The following RPE65 variants were observed in gnomAD, a reference collection of about 807,000 sequenced individuals.
The protein encoded by RPE65 is retinoid isomerohydrolase.
RPE65 carries 58 observed loss-of-function variants against 68.5 expected under a neutral mutation model. That is an observed-to-expected ratio of 0.85 (90% CI 0.69 to 1.05). RPE65 has a LOEUF of 1.05. Among genes scored for constraint, RPE65 ranks in the 50% least tolerant of loss-of-function variants. The pLI is 0.00. For missense variants in RPE65, 643 were observed against 629.9 expected (o/e 1.02, Z -0.22); for synonymous variants, 220 against 222.2 (o/e 0.99, Z 0.09).
intron 1 of RPE65, among the ~76,000 whole-genome samples, 186 bp from the exon 2 acceptor site, chr1:68,448,892 C>G (rs563438706): frequency 1.4e-5 from 1 of 70,846 alleles, no homozygotes; most frequent in Non-Finnish European, 2.6e-5. Context: ...GGGAGGAGCA[C>G]GTGAGGCTGG....
chr1:68,441,426 A>G (rs943412557), intron 5 of RPE65, among the ~76,000 whole-genome samples: 4 of 152,094 alleles, frequency 2.6e-5, no homozygotes, highest in African/African-American at 9.7e-5. Flanking sequence ...GTAAATACCA[A>G]CTATATGTCT....
intron 6 of RPE65, among the ~76,000 whole-genome samples, chr1:68,440,337 T>C (rs986376247): frequency 6.6e-6 from 1 of 152,178 alleles, no homozygotes; most frequent in Non-Finnish European, 1.5e-5. Context: ...TGGCAATAAA[T>C]GAAGAATGAA....
At position 68,438,048 on chromosome 1, in the gene RPE65, A is replaced by C. The variant is rs1645873393; in HGVS notation, c.1128+139T>G. 6.0e-6 allele frequency: 6 copies of C among 1,001,072 alleles called. No individual in the cohort carries two copies. In the South Asian group the frequency reaches 9.5e-5, roughly 16 times the overall value. The allele number at this position is 1,001,072 out of a possible 1,614,324, so 62.0% of individuals were successfully genotyped here. On this transcript the variant is annotated intron_variant, in intron 10 of 13. Coordinates refer to ENST00000262340, the MANE Select transcript of RPE65 (RefSeq NM_000329.3). The stretch of plus-strand genomic sequence containing the variant: ...TTAGTTTCATTTGTAAAATGAAGGA[A>C]GTTTAATTAGCCTATTTTTAAAGCT...
chr1:68,439,644 T>A lies in RPE65; in HGVS notation c.644-2A>T, dbSNP rs61752891. 1.9e-6 allele frequency: 3 copies of A among 1,613,548 alleles called. No individual in the cohort carries two copies. Among genetic ancestry groups the A allele is most frequent in the Non-Finnish European group, 2.5e-6 (3 of 1,179,506 alleles). The stretch of plus-strand genomic sequence containing the variant: ...ACTTGCTTATTGGATCTTCCTTGTC[T>A]GAAATAAAGTGGTTTTAAAAGGCTT... On this transcript the variant is annotated splice_acceptor_variant, in intron 6 of 13. Coordinates refer to ENST00000262340, the MANE Select transcript of RPE65 (RefSeq NM_000329.3). LOFTEE classifies it high-confidence loss of function.
At chr1:68,446,608 T>C (rs1490572869) in intron 3 of RPE65, 102 bp downstream of exon 3, 1 of 1,375,950 alleles carries the variant, frequency 7.3e-7, no homozygotes, top group Non-Finnish European at 1.0e-6. Flanking sequence ...AAAGTGGGTA[T>C]ATAGGTTGCC....
rs748612997 is a variant in RPE65 at position 68,439,630 on chromosome 1, G to A, written c.656C>T (p.Pro219Leu). The change falls in exon 7 of 14, where the codon CCA (proline) becomes CTA (leucine). Residue 219 changes from proline (P) to leucine (L), a missense_variant. Pro to Leu is a moderately conservative substitution (Grantham distance 98). Coordinates refer to ENST00000262340, the MANE Select transcript of RPE65 (RefSeq NM_000329.3). ...IPPLQADKED[P>L]ISKSEIVVQF... Reference sequence around the variant, plus strand: ...TACAACGATCTCTGACTTGCTTATTGGATCTTCCTTGTCTGAAATAAAGTG... The same window carrying A: ...TACAACGATCTCTGACTTGCTTATTAGATCTTCCTTGTCTGAAATAAAGTG... 3.7e-6 allele frequency: 6 copies of A among 1,613,572 alleles called. No individual in the cohort carries two copies. The South Asian group carries it at 6.6e-5, about 18-fold the overall frequency.
chr1:68,449,080 A>T (rs547355560), intron 1 of RPE65, among the ~76,000 whole-genome samples: 1 of 152,174 alleles, frequency 6.6e-6, no homozygotes, highest in South Asian at 2.1e-4. Context: ...CACTTCCTGA[A>T]ATTTGTTCCT....
chr1:68,435,173 GGCTCTTGTTTCTTTTTCTGGCT>G (rs1347084224), intron 10 of RPE65, among the ~76,000 whole-genome samples: 1 of 151,648 alleles, frequency 6.6e-6, no homozygotes, highest in African/African-American at 2.4e-5. Flanking sequence ...GCTTTCTGGT[GGCTCTTGTTTCTTTTTCTGGCT>G]TCTCTTGTTT....
At position 68,438,300 on chromosome 1, in the gene RPE65, T is replaced by C; in HGVS notation, c.1015A>G (p.Asn339Asp). Reference protein sequence around the residue: ...CCWKGFEFVYNYLYLANLREN... With the variant: ...CCWKGFEFVYDYLYLANLREN... ...CGTAAATTGGCTAAATATAAGTAAT[T>C]ATAAACAAACTCAAATCTGCAAAAA... is the stretch of plus-strand genomic sequence containing the variant. Residue 339 changes from asparagine (N) to aspartate (D), a missense_variant, in exon 10 of 14, where the codon AAT becomes GAT. Coordinates refer to ENST00000262340, the MANE Select transcript of RPE65 (RefSeq NM_000329.3). 1 of 1,613,468 alleles carries C rather than the reference T, an allele frequency of 6.2e-7. No individual in the cohort carries two copies. Among genetic ancestry groups the C allele is most frequent in the Non-Finnish European group, 8.5e-7 (1 of 1,179,808 alleles).
intron 10 of RPE65, among the ~76,000 whole-genome samples, chr1:68,437,811 G>A (rs954405211): frequency 3.3e-5 from 5 of 152,146 alleles, no homozygotes; most frequent in African/African-American, 1.2e-4. Flanking sequence ...ACTTTTTGAT[G>A]CTTCATCTCT....
At chr1:68,430,069 AC>A in intron 13 of RPE65, 142 bp from the exon 14 acceptor site, 1 of 1,050,574 alleles carries the variant, frequency 9.5e-7, no homozygotes, top group Non-Finnish European at 1.4e-6. Flanking sequence ...TGACTCTTGT[AC>A]CACCTGGCAT....
intron 13 of RPE65, among the ~76,000 whole-genome samples, chr1:68,430,563 C>T (rs961246993): frequency 6.6e-6 from 1 of 152,140 alleles, no homozygotes; most frequent in African/African-American, 2.4e-5. Flanking sequence ...AGTTAACTAA[C>T]ACTGCTGATT....
At chr1:68,448,489 TA>T in intron 2 of RPE65, 134 bp downstream of exon 2, 2 of 767,372 alleles carry the variant, frequency 2.6e-6, no homozygotes, top group Non-Finnish European at 4.5e-6. Flanking sequence ...GTTCTTGCTA[TA>T]AAAAGCCCAA....
At chr1:68,439,478 G>T (rs1024650016) in intron 7 of RPE65, 83 bp downstream of exon 7, 3 of 1,558,502 alleles carry the variant, frequency 1.9e-6, no homozygotes, top group African/African-American at 1.4e-5. Context: ...AAAATATTGT[G>T]ATCAGGATTG....
intron 10 of RPE65, among the ~76,000 whole-genome samples, chr1:68,437,793 A>G (rs535734289): frequency 6.6e-6 from 1 of 152,358 alleles, no homozygotes; most frequent in East Asian, 1.9e-4. Flanking sequence ...TGGTTTCCCT[A>G]CAAGAGTACT....
rs1023819117 is a variant in RPE65 at position 68,431,003 on chromosome 1, A to G, written c.1450+62T>C. The G allele has an allele frequency of 1.1e-5, 15 of 1,333,462 alleles. No individual in the cohort carries two copies. The African/African-American group carries it at 2.0e-4, about 18-fold the overall frequency. 82.6% of individuals were successfully genotyped at this position (1,333,462 alleles called of 1,614,324 possible). On this transcript the variant is annotated intron_variant, in intron 13 of 13. Coordinates refer to ENST00000262340, the MANE Select transcript of RPE65 (RefSeq NM_000329.3). Reference sequence around the variant, plus strand: ...AATAATCAACCTTACTCCTTTCCTAACGAACTAACATACAGAACTGCAGTA... The same window carrying G: ...AATAATCAACCTTACTCCTTTCCTAGCGAACTAACATACAGAACTGCAGTA...
rs571651415 is a variant in RPE65 at position 68,436,658 on chromosome 1, A to G, written c.1128+1529T>C. ...TAATTTTGTGTTTTTAGTAAAGATG[A>G]GGTTTCTCCATGTTGGTAAGGCTGG... is the stretch of plus-strand genomic sequence containing the variant. On this transcript the variant is annotated intron_variant, in intron 10 of 13. Coordinates refer to ENST00000262340, the MANE Select transcript of RPE65 (RefSeq NM_000329.3). Among the ~76,000 whole-genome samples the G allele has an allele frequency of 3.3e-4, 50 of 151,846 alleles. No homozygotes were observed. In the South Asian group the frequency reaches 0.01, roughly 30 times the overall value.
chr1:68,446,154 C>T (rs970972535), intron 3 of RPE65, among the ~76,000 whole-genome samples: 4 of 151,970 alleles, frequency 2.6e-5, no homozygotes, highest in Admixed American at 2.6e-4. Context: ...TTTCAGAAAA[C>T]TTCTCTTTCT....
chr1:68,444,302 G>A (rs1261921210), intron 5 of RPE65, among the ~76,000 whole-genome samples: 2 of 152,148 alleles, frequency 1.3e-5, no homozygotes, highest in Non-Finnish European at 2.9e-5. Context: ...GACAATGCTA[G>A]GATTTGAAAC....
Sources: allele counts gnomAD v4.1 joint callset (sites outside exome capture counted in the v4.1 genomes callset), GRCh38; gene constraint gnomAD v4.1.1; transcripts MANE v1.5; gene names NCBI Gene and HGNC (gene_info 2026-07-23, HGNC 2026-07-21).